The following AMD1 variants were observed in gnomAD, a reference collection of about 807,000 sequenced individuals.
AMD1 encodes S-adenosylmethionine decarboxylase proenzyme.
AMD1 carries 11 observed loss-of-function variants against 40.2 expected under a neutral mutation model. That is an observed-to-expected ratio of 0.27 (90% CI 0.17 to 0.45). The LOEUF is 0.45. Ranked by LOEUF, AMD1 falls within the 20% of genes least tolerant of loss-of-function variation. The probability of loss-of-function intolerance (pLI) is 1.00; values close to 1 mark genes in which losing one functional copy is unlikely to be tolerated. For synonymous variants in AMD1, 121 were observed against 130.8 expected, an observed-to-expected ratio of 0.93 and a Z score of 0.51; for missense variants, 257 against 410.2, an observed-to-expected ratio of 0.63 and a Z score of 3.23.
upstream of AMD1, among the ~76,000 whole-genome samples, chr6:110,869,869 A>G (rs190837941): frequency 1.9e-3 from 282 of 152,342 alleles, no homozygotes; most frequent in Non-Finnish European, 3.0e-3. Context: ...AGCCTTGGGC[A>G]GTAAAACTTG....
chr6:110,881,746 A>T (rs750251927), intron 1 of AMD1, among the ~76,000 whole-genome samples: 6 of 151,526 alleles, frequency 4.0e-5, no homozygotes, highest in Admixed American at 3.3e-4. Flanking sequence ...ACTTGCTTGA[A>T]CCTGGGAGGC....
Position 110,892,457 on chromosome 6 carries a change from G to T in AMD1, c.615+14G>T, listed in dbSNP as rs776688238. On this transcript the variant is annotated intron_variant, in intron 6 of 8. Coordinates refer to ENST00000368885, the MANE Select transcript of AMD1 (RefSeq NM_001634.6). ...GATGTCACTCGTGTAAGCATTTTTA[G>T]TAATAATTGTTGCTGGACTCTTCTG... is the stretch of plus-strand genomic sequence containing the variant. 1.2e-6 allele frequency: 2 copies of T among 1,611,602 alleles called. No homozygotes were observed. Among genetic ancestry groups the T allele is most frequent in the Non-Finnish European group, 1.7e-6 (2 of 1,179,660 alleles).
chr6:110,868,154 A>G, the AMD1 span, among the ~76,000 whole-genome samples: 2 of 150,514 alleles, frequency 1.3e-5, no homozygotes, highest in Non-Finnish European at 3.0e-5. Flanking sequence ...TATTATTATT[A>G]TTATTATTTT....
At chr6:110,874,030 T>A (rs1389027063), upstream of AMD1, among the ~76,000 whole-genome samples, 1 of 152,220 alleles carries the variant, frequency 6.6e-6, no homozygotes, top group African/African-American at 2.4e-5. Context: ...TGCCAGTGCT[T>A]CCCGGAGGCT....
At chr6:110,875,248 C>A in intron 1 of AMD1, 33 bp downstream of exon 1, 1 of 1,538,212 alleles carries the variant, frequency 6.5e-7, no homozygotes, top group Non-Finnish European at 8.9e-7. Context: ...GACATCCGGG[C>A]CTGGGGGCTG....
At chr6:110,845,227 C>T in the AMD1 span, among the ~76,000 whole-genome samples, 2 of 151,810 alleles carry the variant, frequency 1.3e-5, no homozygotes, top group African/African-American at 4.8e-5. Flanking sequence ...TTAGTAGAGA[C>T]GGGGTTTCAC....
the AMD1 span, among the ~76,000 whole-genome samples, chr6:110,861,194 T>C: frequency 6.6e-6 from 1 of 151,814 alleles, no homozygotes; most frequent in Non-Finnish European, 1.5e-5. Flanking sequence ...TTGTCTCTAC[T>C]ATAAACACAA....
the AMD1 span, among the ~76,000 whole-genome samples, chr6:110,831,068 C>T: frequency 6.6e-6 from 1 of 152,128 alleles, no homozygotes; most frequent in African/African-American, 2.4e-5. Flanking sequence ...CTGATATTTA[C>T]TTTCTTTCTC....
chr6:110,843,706 G>A, the AMD1 span, among the ~76,000 whole-genome samples: 1 of 152,018 alleles, frequency 6.6e-6, no homozygotes, highest in African/African-American at 2.4e-5. Context: ...TTCCACCTCA[G>A]CTTCCTGAGT....
the AMD1 span, among the ~76,000 whole-genome samples, chr6:110,855,065 CTTTTT>C: frequency 6.2e-5 from 5 of 80,462 alleles, 1 homozygote; most frequent in East Asian, 1.0e-3. Flanking sequence ...CTCTCTCTCT[CTTTTT>C]TTTTTTTTTT....
the AMD1 span, among the ~76,000 whole-genome samples, chr6:110,841,587 C>T: frequency 6.6e-6 from 1 of 151,840 alleles, no homozygotes; most frequent in African/African-American, 2.4e-5. Flanking sequence ...TCTGGCCAGT[C>T]GAGTTAAGTT....
At chr6:110,862,750 G>A in the AMD1 span, among the ~76,000 whole-genome samples, 136 of 151,420 alleles carry the variant, frequency 9.0e-4, 1 homozygote, top group African/African-American at 3.1e-3. Context: ...GATTACAGGC[G>A]TGAGCCACTG....
intron 1 of AMD1, among the ~76,000 whole-genome samples, chr6:110,880,923 C>T (rs566446966): frequency 6.6e-6 from 1 of 152,242 alleles, no homozygotes; most frequent in South Asian, 2.1e-4. Context: ...CCGCCTGCCT[C>T]GGGCTCCCAA....
upstream of AMD1, among the ~76,000 whole-genome samples, chr6:110,874,458 AT>A (rs34003022): frequency 6.1e-5 from 9 of 147,572 alleles, no homozygotes; most frequent in Admixed American, 1.3e-4. Context: ...TCTGCTAATC[AT>A]TTTTTTTTTC....
At chr6:110,814,949 G>A in the AMD1 span, 18 of 1,590,354 alleles carry the variant, frequency 1.1e-5, no homozygotes, top group Non-Finnish European at 1.2e-5. Flanking sequence ...CACCCATCCC[G>A]CCAGGTCGCG....
chr6:110,890,188 C>G, intron 3 of AMD1, 66 bp from the exon 4 acceptor site: 1 of 1,233,410 alleles, frequency 8.1e-7, no homozygotes, highest in Non-Finnish European at 1.1e-6. Context: ...TGATTAGCTT[C>G]GAAAAGTGAT....
the AMD1 span, among the ~76,000 whole-genome samples, chr6:110,832,944 C>T: frequency 6.6e-6 from 1 of 152,158 alleles, no homozygotes; most frequent in African/African-American, 2.4e-5. Flanking sequence ...CCTCAGCCTC[C>T]AAAGTAGCTG....
chr6:110,890,485 G>T (rs1433664501), intron 4 of AMD1, 129 bp downstream of exon 4: 1 of 700,804 alleles, frequency 1.4e-6, no homozygotes, highest in Admixed American at 3.4e-5. Flanking sequence ...TGCTTTTCTT[G>T]TGGGTTTTTT....
chr6:110,869,126 A>G, the AMD1 span, among the ~76,000 whole-genome samples: 18 of 151,290 alleles, frequency 1.2e-4, no homozygotes, highest in African/African-American at 4.1e-4. Flanking sequence ...TTCTTTCTTC[A>G]TTACTTTAGC....
Sources: allele counts gnomAD v4.1 joint callset (sites outside exome capture counted in the v4.1 genomes callset), GRCh38; gene constraint gnomAD v4.1.1; transcripts MANE v1.5; gene names NCBI Gene and HGNC (gene_info 2026-07-23, HGNC 2026-07-21).